CCDC39: variants seen among roughly 807,000 people sequenced by gnomAD.
CCDC39 encodes the protein coiled-coil domain 39 molecular ruler complex subunit.
In CCDC39, 113 loss-of-function variants were observed where a neutral mutation model predicts 121.0. The observed-to-expected ratio is 0.93, with a 90% CI of 0.80 to 1.09. The LOEUF (loss-of-function observed/expected upper bound fraction) is 1.09, where lower values mean the gene tolerates loss of function less well. CCDC39 is among the 50% of genes least tolerant of loss of function. CCDC39 has a pLI of 0.00. For missense variants in CCDC39, 1,063 were observed against 1,074.7 expected, an observed-to-expected ratio of 0.99 and a Z score of 0.15; for synonymous variants, 349 against 352.2, an observed-to-expected ratio of 0.99 and a Z score of 0.10.
intron 1 of CCDC39, among the ~76,000 whole-genome samples, chr3:180,674,873 C>T (rs867515269): frequency 6.6e-5 from 10 of 152,204 alleles, no homozygotes; most frequent in East Asian, 1.9e-4. Flanking sequence ...CTGCTGGATT[C>T]GGTTTGCCAG....
At chr3:180,659,834 A>T (rs1489010062) in intron 4 of CCDC39, 65 bp from the exon 5 acceptor site, 1 of 1,039,108 alleles carries the variant, frequency 9.6e-7, no homozygotes, top group African/African-American at 1.6e-5. Context: ...TTATTAGTGT[A>T]TCTAACATTA....
chr3:180,621,858 G>A (rs958665099), intron 14 of CCDC39, among the ~76,000 whole-genome samples: 1 of 152,122 alleles, frequency 6.6e-6, no homozygotes, highest in Middle Eastern at 3.4e-3. Flanking sequence ...GAAGTCAGAT[G>A]ATGTAATCCC....
chr3:180,622,523 A>C (rs1011877456), intron 14 of CCDC39, among the ~76,000 whole-genome samples: 14 of 152,082 alleles, frequency 9.2e-5, no homozygotes, highest in African/African-American at 3.4e-4. Flanking sequence ...CTCTTTCCCC[A>C]TTCGATACGA....
At chr3:180,656,317 A>G (rs1236398231) in intron 6 of CCDC39, among the ~76,000 whole-genome samples, 1 of 152,242 alleles carries the variant, frequency 6.6e-6, no homozygotes, top group East Asian at 1.9e-4. Flanking sequence ...AGGTAATACT[A>G]AGTAATATTT....
At chr3:180,652,111 C>G (rs202000870) in intron 8 of CCDC39, 52 bp downstream of exon 8, 770 of 948,550 alleles carry the variant, frequency 8.1e-4, no homozygotes, top group Non-Finnish European at 1.1e-3. Flanking sequence ...TAATAATTTT[C>G]TAGATATAGT....
At chr3:180,619,781 A>G in intron 15 of CCDC39, 30 bp downstream of exon 15, 2 of 1,347,338 alleles carry the variant, frequency 1.5e-6, no homozygotes, top group African/African-American at 1.5e-5. Flanking sequence ...CACTGTATAT[A>G]TGTATAAAAA....
At chr3:180,624,643 T>G (rs1451557078) in intron 14 of CCDC39, among the ~76,000 whole-genome samples, 3 of 152,194 alleles carry the variant, frequency 2.0e-5, no homozygotes, top group African/African-American at 7.2e-5. Context: ...TTGTTTCCAT[T>G]TTAAAACTCC....
At chr3:180,656,050 C>T (rs946909680) in intron 6 of CCDC39, among the ~76,000 whole-genome samples, 3 of 152,156 alleles carry the variant, frequency 2.0e-5, no homozygotes, top group South Asian at 4.1e-4. Flanking sequence ...TAAATGGCTA[C>T]ACATCTGAGA....
At chr3:180,663,787 G>A in intron 2 of CCDC39, 80 bp downstream of exon 2, 1 of 1,346,040 alleles carries the variant, frequency 7.4e-7, no homozygotes, top group Non-Finnish European at 1.0e-6. Flanking sequence ...TATTATAGCT[G>A]TAAAAATCGC....
intron 1 of CCDC39, among the ~76,000 whole-genome samples, chr3:180,668,972 A>G (rs1711959788): frequency 1.3e-5 from 2 of 152,224 alleles, no homozygotes; most frequent in Non-Finnish European, 2.9e-5. Context: ...AAAGTCTCCA[A>G]TAATTTCTTC....
chr3:180,668,038 A>T (rs549533199), intron 1 of CCDC39, among the ~76,000 whole-genome samples: 1 of 152,306 alleles, frequency 6.6e-6, no homozygotes, highest in East Asian at 1.9e-4. Flanking sequence ...CATGCTCACC[A>T]GTGTGCCATG....
intron 16 of CCDC39, 26 bp downstream of exon 16, chr3:180,619,233 T>C (rs1361205444): frequency 9.3e-7 from 1 of 1,074,916 alleles, no homozygotes; most frequent in Admixed American, 2.0e-5. Flanking sequence ...TGAAGGCATA[T>C]TACTAAAAAT....
intron 7 of CCDC39, 124 bp downstream of exon 7, chr3:180,654,638 G>A (rs878899434): frequency 4.1e-4 from 203 of 492,266 alleles, no homozygotes; most frequent in Middle Eastern, 1.4e-3. Context: ...AAAAAAAAAA[G>A]AAAAAGGAAA....
chr3:180,659,199 A>T (rs1711667361), intron 6 of CCDC39, among the ~76,000 whole-genome samples: 1 of 152,196 alleles, frequency 6.6e-6, no homozygotes, highest in South Asian at 2.1e-4. Context: ...AACAGTATCT[A>T]CTGACTCTTT....
chr3:180,671,089 G>A (rs1026854801), intron 1 of CCDC39, among the ~76,000 whole-genome samples: 2 of 151,736 alleles, frequency 1.3e-5, no homozygotes, highest in African/African-American at 4.8e-5. Flanking sequence ...GTATGCACCT[G>A]TAATCCCACC....
At chr3:180,650,033 G>A (rs1718161460) in intron 9 of CCDC39, among the ~76,000 whole-genome samples, 1 of 152,208 alleles carries the variant, frequency 6.6e-6, no homozygotes. Context: ...AATGGAGCCA[G>A]ATGAGATATA....
intron 1 of CCDC39, among the ~76,000 whole-genome samples, chr3:180,673,828 G>A (rs1009541707): frequency 1.3e-5 from 2 of 151,870 alleles, no homozygotes; most frequent in Admixed American, 6.6e-5. Flanking sequence ...TGGGAAGTAG[G>A]GGGCAGAAGG....
At chr3:180,654,224 A>AAAC (rs1711529228) in intron 7 of CCDC39, among the ~76,000 whole-genome samples, 2 of 144,336 alleles carry the variant, frequency 1.4e-5, no homozygotes, top group South Asian at 4.2e-4. Flanking sequence ...CCACACGCAA[A>AAAC]AAAAAAAAAA....
chr3:180,644,388 A>T, intron 11 of CCDC39, 131 bp from the exon 12 acceptor site: 1 of 558,350 alleles, frequency 1.8e-6, no homozygotes, highest in Non-Finnish European at 2.9e-6. Flanking sequence ...ATGTTTTATT[A>T]TCTCTCTTTC....
Sources: allele counts gnomAD v4.1 joint callset (sites outside exome capture counted in the v4.1 genomes callset), GRCh38; gene constraint gnomAD v4.1.1; transcripts MANE v1.5; gene names NCBI Gene and HGNC (gene_info 2026-07-23, HGNC 2026-07-21).